The following DNAI4 variants were observed in gnomAD, a reference collection of about 807,000 sequenced individuals.
DNAI4 encodes WD repeat domain 78.
In DNAI4, 85 loss-of-function variants were observed where a neutral mutation model predicts 105.8. The observed-to-expected ratio is 0.80, with a 90% CI of 0.67 to 0.96. The LOEUF is 0.96. Ranked by LOEUF, DNAI4 falls within the 40% of genes least tolerant of loss-of-function variation. The pLI is 0.00. For missense variants in DNAI4, 1,014 were observed against 1,005.6 expected, an observed-to-expected ratio of 1.01 and a Z score of -0.11; for synonymous variants, 352 against 331.5, an observed-to-expected ratio of 1.06 and a Z score of -0.67.
At chr1:66,815,231 G>C (rs961697184) in intron 16 of DNAI4, among the ~76,000 whole-genome samples, 3 of 152,118 alleles carry the variant, frequency 2.0e-5, no homozygotes, top group African/African-American at 7.2e-5. Flanking sequence ...TTCTCACTTG[G>C]GCAAATGTAA....
intron 8 of DNAI4, among the ~76,000 whole-genome samples, chr1:66,846,579 C>T (rs1311284953): frequency 6.6e-6 from 1 of 152,122 alleles, no homozygotes; most frequent in Non-Finnish European, 1.5e-5. Flanking sequence ...GTCTCCAAAG[C>T]AATATGATAA....
chr1:66,903,341 A>G (rs1368792545), intron 2 of DNAI4, among the ~76,000 whole-genome samples: 2 of 152,070 alleles, frequency 1.3e-5, no homozygotes, highest in African/African-American at 4.8e-5. Flanking sequence ...TTGGAAATTC[A>G]TTGTTAGAAA....
At chr1:66,835,474 G>T in intron 11 of DNAI4, 152 bp downstream of exon 11, 1 of 812,324 alleles carries the variant, frequency 1.2e-6, no homozygotes, top group Non-Finnish European at 1.9e-6. Context: ...CATTCCAGCT[G>T]GAGAGACAAT....
At chr1:66,924,047 G>A (rs1194336006) in intron 1 of DNAI4, among the ~76,000 whole-genome samples, 1 of 152,238 alleles carries the variant, frequency 6.6e-6, no homozygotes, top group Non-Finnish European at 1.5e-5. Context: ...TGAGGCTCTT[G>A]AACGTCTGGG....
At chr1:66,836,635 C>T (rs1646032319) in intron 10 of DNAI4, among the ~76,000 whole-genome samples, 1 of 152,186 alleles carries the variant, frequency 6.6e-6, no homozygotes. Context: ...TAACCACCTA[C>T]ATAAAAAAGA....
intron 1 of DNAI4, among the ~76,000 whole-genome samples, chr1:66,913,939 G>A (rs1425239058): frequency 6.7e-6 from 1 of 149,580 alleles, no homozygotes; most frequent in Non-Finnish European, 1.5e-5. Flanking sequence ...AGCCTAGGTC[G>A]CGCCACTGCA....
intron 3 of DNAI4, among the ~76,000 whole-genome samples, chr1:66,892,950 G>A (rs1454996880): frequency 2.2e-5 from 2 of 91,920 alleles, no homozygotes; most frequent in African/African-American, 9.8e-5. Context: ...AGAAGAAAGA[G>A]AAGAAAGAAA....
At chr1:66,836,136 AAAGAAAAGAAAG>A (rs1645982120) in intron 10 of DNAI4, among the ~76,000 whole-genome samples, 1 of 143,620 alleles carries the variant, frequency 7.0e-6, no homozygotes, top group African/African-American at 2.6e-5. Flanking sequence ...AGAAAGAAAG[AAAGAAAAGAAAG>A]AAAGAAAGAA....
chr1:66,872,510 G>C (rs1258388086), intron 5 of DNAI4, among the ~76,000 whole-genome samples: 1 of 151,508 alleles, frequency 6.6e-6, no homozygotes, highest in Non-Finnish European at 1.5e-5. Context: ...GATTACAGGT[G>C]TGAGCCACCG....
At chr1:66,853,865 C>G (rs1646445744) in intron 7 of DNAI4, among the ~76,000 whole-genome samples, 1 of 151,974 alleles carries the variant, frequency 6.6e-6, no homozygotes, top group Non-Finnish European at 1.5e-5. Flanking sequence ...GAAGTTCTAG[C>G]AGAGCAATAA....
chr1:66,900,879 T>G (rs911967741), intron 2 of DNAI4, among the ~76,000 whole-genome samples: 1 of 152,192 alleles, frequency 6.6e-6, no homozygotes, highest in Non-Finnish European at 1.5e-5. Flanking sequence ...ACTGGATGCC[T>G]TTTATTTCTT....
chr1:66,905,162 T>C, intron 2 of DNAI4, 39 bp downstream of exon 2: 1 of 1,409,414 alleles, frequency 7.1e-7, no homozygotes, highest in Middle Eastern at 1.9e-4. Context: ...TTTTTCACAG[T>C]GCCATTTTCA....
At chr1:66,834,320 C>G (rs931147808) in intron 11 of DNAI4, among the ~76,000 whole-genome samples, 172 bp from the exon 12 acceptor site, 1 of 151,860 alleles carries the variant, frequency 6.6e-6, no homozygotes, top group East Asian at 1.9e-4. Flanking sequence ...GAAAAGACAA[C>G]CACTTTTCTA....
intron 4 of DNAI4, among the ~76,000 whole-genome samples, chr1:66,883,109 T>C (rs1313273402): frequency 6.6e-6 from 1 of 151,824 alleles, no homozygotes; most frequent in Non-Finnish European, 1.5e-5. Flanking sequence ...GGCAGTTTGC[T>C]TTTATATATT....
chr1:66,831,142 A>G (rs917704397), intron 13 of DNAI4, among the ~76,000 whole-genome samples: 5 of 152,006 alleles, frequency 3.3e-5, no homozygotes, highest in African/African-American at 1.2e-4. Context: ...ATAGATAACC[A>G]TAATAACCCT....
At chr1:66,856,490 AT>A (rs1646504052) in intron 7 of DNAI4, among the ~76,000 whole-genome samples, 1 of 152,034 alleles carries the variant, frequency 6.6e-6, no homozygotes, top group African/African-American at 2.4e-5. Flanking sequence ...TAAAATAAAA[AT>A]AAAAAAAAAT....
In DNAI4 at chr1:66,891,232, T is replaced by C. The variant is rs1054915632; in HGVS notation, c.565A>G (p.Ser189Gly). ...VLGSSTVSKS[S>G]VSASESIAED... Reference sequence around the variant, plus strand: ...GCTATTGATTCACTTGCTGATACACTTGACTTAGAAACTGTACTGCTTCCT... The same window carrying C: ...GCTATTGATTCACTTGCTGATACACCTGACTTAGAAACTGTACTGCTTCCT... Residue 189 changes from serine (S) to glycine (G), a missense_variant, in exon 4 of 17, where the codon AGT (serine) becomes GGT (glycine). Coordinates refer to ENST00000371026, the MANE Select transcript of DNAI4 (RefSeq NM_024763.5). 1 of 1,613,878 alleles carries C rather than the reference T, an allele frequency of 6.2e-7. No homozygotes were observed.
At chr1:66,847,425 T>C in intron 8 of DNAI4, 59 bp downstream of exon 8, 2 of 1,509,420 alleles carry the variant, frequency 1.3e-6, no homozygotes, top group East Asian at 4.7e-5. Context: ...CCCAAAGTAC[T>C]GGGATTATAA....
intron 9 of DNAI4, among the ~76,000 whole-genome samples, chr1:66,839,172 C>A (rs1646093648): frequency 6.6e-6 from 1 of 152,086 alleles, no homozygotes; most frequent in South Asian, 2.1e-4. Context: ...TAGCTCACAC[C>A]TGTAATCCCA....
Sources: gnomAD v4.1 joint callset for allele counts (sites outside exome capture counted in the v4.1 genomes callset) on GRCh38, gnomAD v4.1.1 for gene constraint, MANE v1.5 for transcripts, NCBI Gene and HGNC (gene_info 2026-07-23, HGNC 2026-07-21) for gene names.